Variants in ATP2B4 observed in about 807,000 individuals in gnomAD.
The protein encoded by ATP2B4 is plasma membrane calcium-transporting ATPase 4.
Under a neutral mutation model 110.3 loss-of-function variants are expected in ATP2B4, and 39 were observed. The observed-to-expected ratio is 0.35, with a 90% CI of 0.27 to 0.46. The LOEUF (loss-of-function observed/expected upper bound fraction) is 0.46, where lower values mean the gene tolerates loss of function less well. Ranked by LOEUF, ATP2B4 falls within the 20% of genes least tolerant of loss-of-function variation. The pLI, the probability that ATP2B4 is intolerant of heterozygous loss-of-function variation, is 1.00. For synonymous variants in ATP2B4, 538 were observed against 571.7 expected (o/e 0.94, Z 0.84); for missense variants, 1,135 against 1,530.9 (o/e 0.74, Z 4.32).
rs929565374 is a variant in ATP2B4 at position 203,629,517 on chromosome 1, G to T, written c.-465+2298G>T. 6.6e-6 allele frequency among the ~76,000 whole-genome samples: 1 copy of T among 152,130 alleles called. No homozygotes were observed. The highest frequency in any genetic ancestry group is 2.4e-5 in the African/African-American group (1 of 41,434). ...GCGCGCACCGGGTCGCCTGAGCCCGGGGTCGCGGCCAAAGGGGTAATCGGC... is the reference window on the plus strand; with the variant it reads ...GCGCGCACCGGGTCGCCTGAGCCCGTGGTCGCGGCCAAAGGGGTAATCGGC... On this transcript the variant is annotated intron_variant, in intron 1 of 20. Transcript: ENST00000357681. This position sits in a 1 kb window ranked among gnomAD's most constrained non-coding sequence, Gnocchi z 4.6.
At chr1:203,644,305 T>C (rs1048212786) in intron 1 of ATP2B4, among the ~76,000 whole-genome samples, 1 of 117,456 alleles carries the variant, frequency 8.5e-6, no homozygotes, top group Non-Finnish European at 1.9e-5. Flanking sequence ...TATAAACAAA[T>C]AGAAAATTTT....
At position 203,629,775 on chromosome 1, in the gene ATP2B4, C is replaced by G. The variant is rs951034614; in HGVS notation, c.-465+2556C>G. 1.1e-4 allele frequency among the ~76,000 whole-genome samples: 16 copies of G among 152,194 alleles called. No individual in the cohort carries two copies. Among genetic ancestry groups the G allele is most frequent in the African/African-American group, 3.9e-4 (16 of 41,458 alleles). On this transcript the variant is annotated intron_variant, in intron 1 of 20. Coordinates refer to ENST00000357681, the MANE Select transcript of ATP2B4 (RefSeq NM_001684.5). The surrounding 1 kb of genome is among the most constrained non-coding windows in gnomAD (Gnocchi z 4.6). ...GCCGAGCCTCAGACCCTTCTCCCTTCCATTTACCACCAAGTCTCTAGATTC... is the reference window on the plus strand; with the variant it reads ...GCCGAGCCTCAGACCCTTCTCCCTTGCATTTACCACCAAGTCTCTAGATTC...
chr1:203,652,335 G>A (rs917186901), intron 1 of ATP2B4, among the ~76,000 whole-genome samples: 7 of 151,866 alleles, frequency 4.6e-5, no homozygotes, highest in East Asian at 1.9e-4. Flanking sequence ...TAGTAGAGAC[G>A]GGGTTTCGCC....
intron 1 of ATP2B4, among the ~76,000 whole-genome samples, chr1:203,665,389 G>C (rs1475003031): frequency 6.6e-6 from 1 of 152,228 alleles, no homozygotes; most frequent in African/African-American, 2.4e-5. Flanking sequence ...GGAAACCCTA[G>C]AGGTTTTGGG....
At chr1:203,649,529 G>T (rs1663911273) in intron 1 of ATP2B4, among the ~76,000 whole-genome samples, 1 of 152,186 alleles carries the variant, frequency 6.6e-6, no homozygotes, top group Admixed American at 6.5e-5. Flanking sequence ...TATAATCCCA[G>T]TTCTTTGGGA....
intron 1 of ATP2B4, among the ~76,000 whole-genome samples, chr1:203,659,377 T>C (rs1324242758): frequency 6.6e-6 from 1 of 152,158 alleles, no homozygotes; most frequent in Non-Finnish European, 1.5e-5. Flanking sequence ...ATTTAAAAAT[T>C]ATAGTTTCTG....
rs1028959997 is a variant in ATP2B4, at chr1:203,743,383, T to A, written c.*3529T>A. On this transcript the variant is annotated 3_prime_UTR_variant, in exon 21 of 21. Transcript: ENST00000357681. Reference sequence around the variant, plus strand: ...ATAAATGCCTGCTATTGTTAAGCCATTCCAGCCTCTTCCTCTGAATAGACC... The same window carrying A: ...ATAAATGCCTGCTATTGTTAAGCCAATCCAGCCTCTTCCTCTGAATAGACC... 1 of 152,622 alleles carries A rather than the reference T, an allele frequency of 6.6e-6. No homozygotes were observed. Among genetic ancestry groups the A allele is most frequent in the Non-Finnish European group, 1.5e-5 (1 of 68,046 alleles). The allele number at this position is 152,622 out of a possible 1,614,324, so 9.5% of individuals were successfully genotyped here.
chr1:203,692,371 A>C (rs1461743987), intron 2 of ATP2B4, among the ~76,000 whole-genome samples: 1 of 151,944 alleles, frequency 6.6e-6, no homozygotes, highest in East Asian at 1.9e-4. Context: ...TAGAGACAGA[A>C]TCTTTCCGTA....
intron 20 of ATP2B4, chr1:203,733,313 G>C (rs1666787665): frequency 6.2e-7 from 1 of 1,614,074 alleles, no homozygotes; most frequent in Middle Eastern, 1.7e-4. Context: ...TGTAAAACTT[G>C]TTCCTAGTTC....
intron 1 of ATP2B4, among the ~76,000 whole-genome samples, chr1:203,651,332 T>G (rs754814663): frequency 1.1e-4 from 17 of 152,362 alleles, no homozygotes; most frequent in Non-Finnish European, 1.9e-4. Context: ...TTTTCTTGAC[T>G]GGTTTATGCA....
chr1:203,725,061 A>G (rs1451585578), intron 19 of ATP2B4, among the ~76,000 whole-genome samples: 1 of 149,436 alleles, frequency 6.7e-6, no homozygotes, highest in Non-Finnish European at 1.5e-5. Context: ...TATTTTTACT[A>G]GAGACGGAGT....
chr1:203,648,055 C>T lies in ATP2B4; in HGVS notation c.-465+20836C>T, dbSNP rs145397760. On this transcript the variant is annotated intron_variant, in intron 1 of 20. Transcript: ENST00000357681. ...TACACAGGCTCAGCTAAAGGCCAGGCTTCTAGAATAAGATGTGGAACACCC... is the reference window on the plus strand; with the variant it reads ...TACACAGGCTCAGCTAAAGGCCAGGTTTCTAGAATAAGATGTGGAACACCC... Among the ~76,000 whole-genome samples the T allele has an allele frequency of 5.6e-4, 85 of 152,248 alleles. 1 individual carries two copies. The East Asian group carries it at 0.015, about 27-fold the overall frequency.
chr1:203,698,884 G>A lies in ATP2B4; in HGVS notation c.391+530G>A, dbSNP rs554268799. ...ACTCCTGACCTCAGGTGATCCACCC[G>A]CCTTGGCCTCCTAAAGTGCTGGGAT... On this transcript the variant is annotated intron_variant, in intron 3 of 20. Transcript: ENST00000357681. Among the ~76,000 whole-genome samples, 21 of 152,120 alleles carry A rather than the reference G, an allele frequency of 1.4e-4. No homozygotes were observed. The South Asian group carries it at 2.9e-3, about 21-fold the overall frequency.
chr1:203,715,040 TC>T (rs1231847692), intron 15 of ATP2B4, among the ~76,000 whole-genome samples: 2 of 151,942 alleles, frequency 1.3e-5, no homozygotes, highest in East Asian at 1.9e-4. Flanking sequence ...TTTCAGTGAT[TC>T]CCCCCCATTT....
chr1:203,679,309 C>A (rs559480928), intron 1 of ATP2B4, among the ~76,000 whole-genome samples: 1 of 152,272 alleles, frequency 6.6e-6, no homozygotes, highest in South Asian at 2.1e-4. Context: ...AAAACTCAGA[C>A]AGAAGTGGGG....
chr1:203,732,814 C>CAA (rs547622162), intron 20 of ATP2B4, among the ~76,000 whole-genome samples: 2 of 107,652 alleles, frequency 1.9e-5, no homozygotes, highest in Admixed American at 9.7e-5. Context: ...GATTCCATCT[C>CAA]AAAAAAAAAA....
At chr1:203,709,031 C>T (rs910089668) in intron 10 of ATP2B4, among the ~76,000 whole-genome samples, 10 of 152,136 alleles carry the variant, frequency 6.6e-5, no homozygotes, top group Non-Finnish European at 2.9e-5. Context: ...GTGGCAGGTA[C>T]CTGTAGTCCC....
intron 18 of ATP2B4, among the ~76,000 whole-genome samples, chr1:203,723,420 A>ATCTCTC (rs34964110): frequency 0.017 from 737 of 44,518 alleles, 22 homozygotes; most frequent in African/African-American, 0.021. Context: ...TGAGACAGAT[A>ATCTCTC]TCTCTCTCTC....
In ATP2B4 at chr1:203,703,617, C is replaced by T. The variant is rs373897021; in HGVS notation, c.938-35C>T. 7 of 1,601,184 alleles carry T rather than the reference C, an allele frequency of 4.4e-6. No homozygotes were observed. The African/African-American group carries it at 9.4e-5, about 21-fold the overall frequency. On this transcript the variant is annotated intron_variant, in intron 7 of 20. Coordinates refer to ENST00000357681, the MANE Select transcript of ATP2B4 (RefSeq NM_001684.5). Reference sequence around the variant, plus strand: ...CCTGCCACTCAGTGCTACCACCTTGCCTGCTCACCTGTCCTATTTGTGTGT... The same window carrying T: ...CCTGCCACTCAGTGCTACCACCTTGTCTGCTCACCTGTCCTATTTGTGTGT...
Sources: gnomAD v4.1 joint callset for allele counts (sites outside exome capture counted in the v4.1 genomes callset) on GRCh38, gnomAD v4.1.1 for gene constraint, Gnocchi (gnomAD v3.1) non-coding constraint, MANE v1.5 for transcripts, NCBI Gene and HGNC (gene_info 2026-07-23, HGNC 2026-07-21) for gene names.